Variants in SPOCD1 observed in about 807,000 individuals in gnomAD.
SPOCD1 encodes the protein SPOC domain-containing protein 1.
SPOCD1 carries 64 observed loss-of-function variants against 92.2 expected under a neutral mutation model. That is an observed-to-expected ratio of 0.69 (90% CI 0.57 to 0.86). SPOCD1 has a LOEUF of 0.86. Ranked by LOEUF, SPOCD1 falls within the 40% of genes least tolerant of loss-of-function variation. SPOCD1 has a pLI of 0.00. For missense variants in SPOCD1, 1,360 were observed against 1,543.1 expected (o/e 0.88, Z 1.99); for synonymous variants, 578 against 619.3 (o/e 0.93, Z 0.99).
chr1:31,791,009 C>A lies in SPOCD1; in HGVS notation c.3245G>T (p.Gly1082Val), dbSNP rs1372345067. 1 of 1,596,616 alleles carries A rather than the reference C, an allele frequency of 6.3e-7. No homozygotes were observed. The highest frequency in any genetic ancestry group is 8.5e-7 in the Non-Finnish European group (1 of 1,171,468). ...SQGRGSIAPR[G>V]ISAWQRPPRG... The stretch of plus-strand genomic sequence containing the variant: ...GGGGGGCCTCTGCCAAGCAGAGATT[C>A]CCCTTGGAGCTATACTGCCCCTGCC... Residue 1082 changes from glycine to valine, a missense_variant, in exon 16 of 16, where the codon GGA (glycine) becomes GTA (valine). By Grantham distance (109) the Gly-to-Val change is moderately radical (BLOSUM62 -3). Transcript: ENST00000360482.
rs117384075 is a variant in SPOCD1, at chr1:31,792,405, C to T, written c.2776-4G>A. ...ACAGTCTGACCACGCAGACGTCCTGCGGTGGCAGGAGGAGAGCAGCTGTAA... is the reference window on the plus strand; with the variant it reads ...ACAGTCTGACCACGCAGACGTCCTGTGGTGGCAGGAGGAGAGCAGCTGTAA... On this transcript the variant is annotated splice_polypyrimidine_tract_variant and splice_region_variant and intron_variant, in intron 14 of 15. Transcript: ENST00000360482. 146 of 1,612,626 alleles carry T rather than the reference C, an allele frequency of 9.1e-5. No individual in the cohort carries two copies. In the East Asian group the frequency reaches 2.1e-3, roughly 23 times the overall value.
rs1005124043 is a variant in SPOCD1, at chr1:31,794,070, C to T, written c.2383+54G>A. On this transcript the variant is annotated intron_variant, in intron 11 of 15. Transcript: ENST00000360482. Reference sequence around the variant, plus strand: ...AAATCCCTGTTGCTGCTGAACTGCACGCTCAGCCCCAGCCTGGCTGCCACC... The same window carrying T: ...AAATCCCTGTTGCTGCTGAACTGCATGCTCAGCCCCAGCCTGGCTGCCACC... 44 of 1,564,700 alleles carry T rather than the reference C, an allele frequency of 2.8e-5. 1 individual carries two copies. Among genetic ancestry groups the T allele is most frequent in the Middle Eastern group, 2.0e-4 (1 of 4,954 alleles).
At chr1:31,808,772 AAAAC>A (rs1570197313) in intron 2 of SPOCD1, among the ~76,000 whole-genome samples, 1 of 152,222 alleles carries the variant, frequency 6.6e-6, no homozygotes. Context: ...GTCTACATAG[AAAAC>A]AAACAAAATC....
At chr1:31,802,566 AG>A (rs1049124076) in intron 2 of SPOCD1, among the ~76,000 whole-genome samples, 2 of 152,210 alleles carry the variant, frequency 1.3e-5, no homozygotes, top group African/African-American at 4.8e-5. Flanking sequence ...AAGAAAAAAT[AG>A]GTTACAGAAC....
intron 10 of SPOCD1, chr1:31,795,708 G>T (rs1430836356): frequency 1.3e-5 from 2 of 152,202 alleles, no homozygotes; most frequent in East Asian, 3.9e-4. Flanking sequence ...GTGGGGAGCA[G>T]GGATTTCTGT....
rs1294458757 is a variant in SPOCD1, at chr1:31,799,460, G to A, written c.1809C>T (p.Ser603=). 6.2e-7 allele frequency: 1 copy of A among 1,611,966 alleles called. No homozygotes were observed. The highest frequency in any genetic ancestry group is 8.5e-7 in the Non-Finnish European group (1 of 1,179,260). The change falls in exon 7 of 16, where the codon TCC becomes TCT. Residue 603 remains serine (S), a synonymous_variant. Coordinates refer to ENST00000360482, the MANE Select transcript of SPOCD1 (RefSeq NM_144569.7). The part of the protein sequence containing the change: ...DSAQLQQEKP[S]LYIGVRGTVV... ...CAGTGCCCCGCACCCCAATATACAG[G>A]GATGGCTTCTCCTGTTGGAGCTGAG...
At chr1:31,809,981 A>G (rs1649095864) in intron 2 of SPOCD1, among the ~76,000 whole-genome samples, 1 of 152,068 alleles carries the variant, frequency 6.6e-6, no homozygotes, top group Admixed American at 6.5e-5. Flanking sequence ...AGCTCTGCAG[A>G]GCACTGCCCT....
At chr1:31,800,270 T>C (rs2149106200) in intron 4 of SPOCD1, 129 bp from the exon 5 acceptor site, 2 of 1,480,570 alleles carry the variant, frequency 1.4e-6, no homozygotes, top group Admixed American at 2.7e-5. Flanking sequence ...CAGAAAGTAG[T>C]ACACATGGAG....
chr1:31,797,440 G>A (rs1160502225), intron 9 of SPOCD1, among the ~76,000 whole-genome samples: 2 of 152,232 alleles, frequency 1.3e-5, no homozygotes, highest in East Asian at 1.9e-4. Flanking sequence ...TTGAACAAAG[G>A]GCCCCACATT....
chr1:31,803,092 G>C (rs1648573184), intron 2 of SPOCD1, among the ~76,000 whole-genome samples: 1 of 151,796 alleles, frequency 6.6e-6, no homozygotes, highest in South Asian at 2.1e-4. Context: ...CCGTCTCAGG[G>C]GTCCTAACGT....
intron 2 of SPOCD1, among the ~76,000 whole-genome samples, chr1:31,802,778 G>T (rs1032602479): frequency 4.6e-5 from 7 of 152,078 alleles, no homozygotes; most frequent in Non-Finnish European, 1.0e-4. Flanking sequence ...AGAACAATAC[G>T]TGTGGTGTGC....
chr1:31,798,611 C>A lies in SPOCD1; in HGVS notation c.1869-10G>T. 1 of 1,611,176 alleles carries A rather than the reference C, an allele frequency of 6.2e-7. No individual in the cohort carries two copies. The highest frequency in any genetic ancestry group is 8.5e-7 in the Non-Finnish European group (1 of 1,179,144). On this transcript the variant is annotated splice_polypyrimidine_tract_variant and intron_variant, in intron 7 of 15. Transcript: ENST00000360482. The surrounding 1 kb of genome is among the most constrained non-coding windows in gnomAD (Gnocchi z 4.1). ...TGGGAGCTCCCGAAGGCTGTGGAGG[C>A]CAGGGCAGGGCGGGGGCACTGAGCC...
chr1:31,792,648 A>G lies in SPOCD1; in HGVS notation c.2775+30T>C, dbSNP rs1206586570. The stretch of plus-strand genomic sequence containing the variant: ...GGAGGTGGGAGTAAGGTACTAGGAA[A>G]AGAGGGGGTGCCCAAGAGTGGGCAG... On this transcript the variant is annotated intron_variant, in intron 14 of 15. Coordinates refer to ENST00000360482, the MANE Select transcript of SPOCD1 (RefSeq NM_144569.7). The G allele has an allele frequency of 2.6e-6, 4 of 1,540,384 alleles. No individual in the cohort carries two copies. In the African/African-American group the frequency reaches 5.4e-5, roughly 21 times the overall value.
In SPOCD1 at chr1:31,814,828, T is replaced by C. The variant is rs755868100; in HGVS notation, c.506A>G (p.Asp169Gly). 1.9e-6 allele frequency: 3 copies of C among 1,612,794 alleles called. No homozygotes were observed. The highest frequency in any genetic ancestry group is 1.7e-6 in the Non-Finnish European group (2 of 1,179,554). ...ACACCCTGGAGAACTCATTCCACCG[T>C]CTCTGGCCTCCCTGGGCCTGAGGCA... ...VSCLRPREAR[D>G]GGMSSPGCDR... is the part of the protein sequence containing the mutation. The change falls in exon 2 of 16, where the codon GAC becomes GGC. Residue 169 changes from aspartate (D) to glycine (G), a missense_variant. By Grantham distance (94) the Asp-to-Gly change is moderately conservative. This residue lies in a region of SPOCD1 where 606 missense variants were observed against 601.5 expected (regional missense o/e 1.01). Coordinates refer to ENST00000360482, the MANE Select transcript of SPOCD1 (RefSeq NM_144569.7). The surrounding 1 kb of genome is among the most constrained non-coding windows in gnomAD (Gnocchi z 4.2).
rs1647742749 is a variant in SPOCD1, at chr1:31,793,293, G to A, written c.2670C>T (p.Ser890=). Reference sequence around the variant, plus strand: ...GCAGGTGCACCTGGACAAGCCGACAGCTGTGTCCCGAGACCAGCTGGGCCC... The same window carrying A: ...GCAGGTGCACCTGGACAAGCCGACAACTGTGTCCCGAGACCAGCTGGGCCC... ...RARAQLVSGH[S]CRLVQALPTV... Residue 890 remains serine (S), a synonymous_variant, in exon 13 of 16, where the codon AGC becomes AGT. Transcript: ENST00000360482. 1.3e-6 allele frequency: 2 copies of A among 1,594,232 alleles called. No homozygotes were observed. Among genetic ancestry groups the A allele is most frequent in the Non-Finnish European group, 1.7e-6 (2 of 1,170,620 alleles).
In SPOCD1 at chr1:31,800,511, C is replaced by T; in HGVS notation, c.1532G>A (p.Ser511Asn). The change falls in exon 4 of 16, where the codon AGC becomes AAC. Residue 511 changes from serine to asparagine, a missense_variant. Physicochemically the swap from Ser to Asn is conservative, Grantham distance 46. Transcript: ENST00000360482. The stretch of plus-strand genomic sequence containing the variant: ...GAGCCTCTGGGCAGGTGAGGGTGAG[C>T]TGACCTCCATCAAGTCCTCTAGAAC... ...LEVLEDLMEVSSPSPAQRLRR... is the reference protein window; with the variant it reads ...LEVLEDLMEVNSPSPAQRLRR... 1 of 1,612,596 alleles carries T rather than the reference C, an allele frequency of 6.2e-7. No individual in the cohort carries two copies. Among genetic ancestry groups the T allele is most frequent in the Non-Finnish European group, 8.5e-7 (1 of 1,179,412 alleles).
intron 9 of SPOCD1, among the ~76,000 whole-genome samples, chr1:31,797,394 G>A (rs1022926023): frequency 6.6e-6 from 1 of 152,226 alleles, no homozygotes; most frequent in Non-Finnish European, 1.5e-5. Flanking sequence ...TTGGTTTAGC[G>A]CTCTGTTGTT....
rs547676375 is a variant in SPOCD1 at position 31,815,374 on chromosome 1, T to C, written c.-39-2A>G. 14 of 1,500,816 alleles carry C rather than the reference T, an allele frequency of 9.3e-6. No individual in the cohort carries two copies. In the South Asian group the frequency reaches 1.3e-4, roughly 14 times the overall value. 93.0% of individuals were successfully genotyped at this position (1,500,816 alleles called of 1,614,324 possible). On this transcript the variant is annotated splice_acceptor_variant, in intron 1 of 15. Transcript: ENST00000360482. LOFTEE classifies it low-confidence loss of function (5UTR_SPLICE). ...TGGGCCAAAAGCACAACACGGGCCCTGTGTGGAGACAGAAAGAGGAGACTT... is the reference window on the plus strand; with the variant it reads ...TGGGCCAAAAGCACAACACGGGCCCCGTGTGGAGACAGAAAGAGGAGACTT...
chr1:31,812,799 C>G (rs1557832314), intron 2 of SPOCD1, among the ~76,000 whole-genome samples: 1 of 152,254 alleles, frequency 6.6e-6, no homozygotes, highest in Non-Finnish European at 1.5e-5. Flanking sequence ...AGTGAGCTCT[C>G]AAGACAGACC....
Sources: allele counts gnomAD v4.1 joint callset (sites outside exome capture counted in the v4.1 genomes callset), GRCh38; gene constraint gnomAD v4.1.1; regional missense constraint gnomAD v4.1.1; non-coding constraint Gnocchi (gnomAD v3.1); transcripts MANE v1.5; gene names NCBI Gene and HGNC (gene_info 2026-07-23, HGNC 2026-07-21).